The following PASD1 variants were observed in gnomAD, a reference collection of about 807,000 sequenced individuals.
PASD1 encodes circadian clock protein PASD1.
Under a neutral mutation model 58.8 loss-of-function variants are expected in PASD1, and 13 were observed. The ratio of observed to expected loss-of-function variants is 0.22; its 90% CI spans 0.14 to 0.35. PASD1 has a LOEUF of 0.35. PASD1 is among the 10% of genes least tolerant of loss of function. The pLI is 1.00. For synonymous variants in PASD1, 236 were observed against 216.7 expected (o/e 1.09, Z -0.78); for missense variants, 734 against 568.3 (o/e 1.29, Z -2.96).
chrX:151,577,761 C>T (rs1252048123), intron 1 of PASD1, among the ~76,000 whole-genome samples: 1 of 111,323 alleles, frequency 9.0e-6, no homozygotes, highest in Non-Finnish European at 1.9e-5. Flanking sequence ...CTCCTGACCT[C>T]GTGATCTGCC....
At position 151,659,628 on chromosome X, in the gene PASD1, A is replaced by G. The variant is rs1309208988; in HGVS notation, c.718-85A>G. 4 of 966,159 alleles carry G rather than the reference A, an allele frequency of 4.1e-6. No homozygotes were observed. The East Asian group carries it at 9.6e-5, about 23-fold the overall frequency. 79.6% of individuals were successfully genotyped at this position (966,159 alleles called of 1,213,427 possible). On this transcript the variant is annotated intron_variant, in intron 9 of 15. Transcript: ENST00000370357. Reference sequence around the variant, plus strand: ...TGTTAGAAATTGTGATGTGAAATGCATCAAAGTTTGTATTCTGCCTGTGTT... The same window carrying G: ...TGTTAGAAATTGTGATGTGAAATGCGTCAAAGTTTGTATTCTGCCTGTGTT...
intron 1 of PASD1, among the ~76,000 whole-genome samples, chrX:151,577,323 G>T (rs948100008): frequency 1.8e-5 from 2 of 112,158 alleles, no homozygotes; most frequent in Non-Finnish European, 3.8e-5. Context: ...GAATTCTACT[G>T]TGGTGGTATA....
At chrX:151,625,051 C>T (rs1302415351) in intron 7 of PASD1, among the ~76,000 whole-genome samples, 1 of 112,089 alleles carries the variant, frequency 8.9e-6, no homozygotes, top group East Asian at 2.8e-4. Context: ...GCACAAGGAA[C>T]TCTATTTGTG....
Position 151,659,706 on chromosome X carries a change from T to C in PASD1, c.718-7T>C, listed in dbSNP as rs773691991. ...ATGTCCTATCTTTCTCTTTTGGAAA[T>C]GTACAGGACCAAATTGATATTGCAG... On this transcript the variant is annotated splice_region_variant and splice_polypyrimidine_tract_variant and intron_variant, in intron 9 of 15. Transcript: ENST00000370357. The C allele has an allele frequency of 3.4e-6, 4 of 1,193,901 alleles. No individual in the cohort carries two copies. Among genetic ancestry groups the C allele is most frequent in the Non-Finnish European group, 4.5e-6 (4 of 885,347 alleles).
chrX:151,624,152 A>G (rs1315711842), intron 7 of PASD1, among the ~76,000 whole-genome samples: 1 of 111,985 alleles, frequency 8.9e-6, no homozygotes, highest in Non-Finnish European at 1.9e-5. Context: ...CTATGATTGT[A>G]GTAATGGAGA....
rs749589970 is a variant in PASD1 at position 151,672,333 on chromosome X, A to G, written c.1588A>G (p.Lys530Glu). The change falls in exon 14 of 16, where the codon AAG (lysine) becomes GAG (glutamate). Residue 530 changes from lysine to glutamate, a missense_variant. Transcript: ENST00000370357. ...GCAGGAGCAGAAAATGCAGGAGAAGAAGAAGCTGCAGGAGCAGAGGCGGCA... is the reference window on the plus strand; with the variant it reads ...GCAGGAGCAGAAAATGCAGGAGAAGGAGAAGCTGCAGGAGCAGAGGCGGCA... ...KLQEQKMQEK[K>E]KLQEQRRQKK... is the part of the protein sequence containing the mutation. The G allele has an allele frequency of 9.3e-6, 11 of 1,178,201 alleles. No individual in the cohort carries two copies. The South Asian group carries it at 2.1e-4, about 22-fold the overall frequency.
intron 12 of PASD1, 41 bp downstream of exon 12, chrX:151,671,237 A>T: frequency 8.4e-7 from 1 of 1,186,559 alleles, no homozygotes; most frequent in Non-Finnish European, 1.1e-6. Context: ...GACCAGTTCT[A>T]TATTAGTAGC....
At chrX:151,661,154 CA>C (rs36030616) in intron 10 of PASD1, among the ~76,000 whole-genome samples, 46 of 94,166 alleles carry the variant, frequency 4.9e-4, no homozygotes, top group South Asian at 5.0e-4. Context: ...GACTCCGTCT[CA>C]AAAAAAAAAA....
intron 6 of PASD1, among the ~76,000 whole-genome samples, chrX:151,622,169 T>A (rs924701138): frequency 1.6e-4 from 18 of 110,856 alleles, no homozygotes; most frequent in Non-Finnish European, 3.2e-4. Flanking sequence ...AAACCCAAAT[T>A]TTTGTCGCGT....
chrX:151,571,116 G>A (rs1224753303), intron 1 of PASD1, among the ~76,000 whole-genome samples: 1 of 111,749 alleles, frequency 8.9e-6, no homozygotes, highest in Non-Finnish European at 1.9e-5. Context: ...GAAGAAAAGT[G>A]GATTGAGGCG....
At chrX:151,636,023 T>G (rs928243092) in intron 8 of PASD1, among the ~76,000 whole-genome samples, 1 of 111,760 alleles carries the variant, frequency 8.9e-6, no homozygotes, top group Non-Finnish European at 1.9e-5. Context: ...TAATTAAAAA[T>G]TTTTAAAGAT....
intron 1 of PASD1, among the ~76,000 whole-genome samples, chrX:151,597,757 G>C (rs2013340311): frequency 9.0e-6 from 1 of 111,171 alleles, no homozygotes; most frequent in Non-Finnish European, 1.9e-5. Context: ...ATGAAATGGA[G>C]TCTCACTCAG....
intron 3 of PASD1, among the ~76,000 whole-genome samples, chrX:151,610,706 G>A (rs1364772989): frequency 1.8e-5 from 2 of 111,048 alleles, no homozygotes; most frequent in East Asian, 5.6e-4. Flanking sequence ...GACATATGGG[G>A]TCAGGATCAC....
chrX:151,619,094 C>T (rs962733080), intron 4 of PASD1, among the ~76,000 whole-genome samples: 8 of 110,879 alleles, frequency 7.2e-5, no homozygotes, highest in Non-Finnish European at 1.3e-4. Flanking sequence ...GTTACGGCTA[C>T]TGCAGTAATC....
chrX:151,584,441 G>A (rs767348419), intron 1 of PASD1, among the ~76,000 whole-genome samples: 3 of 112,012 alleles, frequency 2.7e-5, no homozygotes, highest in East Asian at 5.6e-4. Context: ...GTAACTAGCC[G>A]TGATAATGTG....
intron 3 of PASD1, among the ~76,000 whole-genome samples, chrX:151,605,187 T>C (rs900761393): frequency 8.9e-6 from 1 of 111,793 alleles, no homozygotes. Flanking sequence ...CCATATTCCT[T>C]TGAGTGGGAC....
At chrX:151,578,683 T>C (rs1014398851) in intron 1 of PASD1, among the ~76,000 whole-genome samples, 1 of 112,052 alleles carries the variant, frequency 8.9e-6, no homozygotes, top group African/African-American at 3.2e-5. Context: ...TCCCCTCTGA[T>C]CTTAGATGCT....
intron 4 of PASD1, among the ~76,000 whole-genome samples, chrX:151,620,677 C>G (rs1357796760): frequency 9.1e-6 from 1 of 110,415 alleles, no homozygotes; most frequent in East Asian, 2.8e-4. Context: ...TAACTAGAGT[C>G]AAAATTTTCC....
intron 6 of PASD1, among the ~76,000 whole-genome samples, chrX:151,621,918 G>A (rs967906116): frequency 1.5e-4 from 16 of 109,813 alleles, no homozygotes; most frequent in African/African-American, 5.3e-4. Flanking sequence ...AAAGTTTAAA[G>A]CAGTATGACA....
Sources: allele counts gnomAD v4.1 joint callset (sites outside exome capture counted in the v4.1 genomes callset), GRCh38; gene constraint gnomAD v4.1.1; transcripts MANE v1.5; gene names NCBI Gene and HGNC (gene_info 2026-07-23, HGNC 2026-07-21).